The following PPIP5K1 variants were observed in gnomAD, a reference collection of about 807,000 sequenced individuals.
PPIP5K1 encodes diphosphoinositol pentakisphosphate kinase 1.
PPIP5K1 carries 6 observed loss-of-function variants against 27.7 expected under a neutral mutation model. The observed-to-expected ratio is 0.22, with a 90% CI of 0.12 to 0.43. The LOEUF is 0.43. Ranked by LOEUF, PPIP5K1 falls within the 20% of genes least tolerant of loss-of-function variation. The pLI is 1.00. For synonymous variants in PPIP5K1, 145 were observed against 242.6 expected (o/e 0.60, Z 3.74); for missense variants, 394 against 635.4 (o/e 0.62, Z 4.08).
chr15:43,537,956 C>T (rs961825564), intron 31 of PPIP5K1, among the ~76,000 whole-genome samples: 1 of 151,596 alleles, frequency 6.6e-6, no homozygotes, highest in Non-Finnish European at 1.5e-5. Context: ...TCAGGCAAAT[C>T]AAAAAGGTCA....
At chr15:43,554,236 C>A (rs893601254) in intron 30 of PPIP5K1, among the ~76,000 whole-genome samples, 1 of 152,126 alleles carries the variant, frequency 6.6e-6, no homozygotes, top group Non-Finnish European at 1.5e-5. Flanking sequence ...TATTTTGGGG[C>A]TCCGTTATTT....
At chr15:43,550,955 C>T (rs1365148691) in intron 30 of PPIP5K1, among the ~76,000 whole-genome samples, 1 of 152,174 alleles carries the variant, frequency 6.6e-6, no homozygotes, top group Non-Finnish European at 1.5e-5. Context: ...TAAATCTCAT[C>T]AGCCCTGGTG....
In PPIP5K1 at chr15:43,558,860, T is replaced by A; in HGVS notation, c.3491A>T (p.Gln1164Leu). The A allele has an allele frequency of 6.2e-7, 1 of 1,614,152 alleles. No homozygotes were observed. The highest frequency in any genetic ancestry group is 8.5e-7 in the Non-Finnish European group (1 of 1,180,014). ...GACTCTACTCAAGAATTCACTCACT[T>A]GACGTAGGGAAAGGGCATTATGCAG... is the stretch of plus-strand genomic sequence containing the variant. ...ETLHNALSLR[Q>L]VSEFLSRVCQ... The change falls in exon 30 of 32, where the codon CAA (glutamine) becomes CTA (leucine). Residue 1164 changes from glutamine (Q) to leucine (L), a missense_variant. Gln to Leu is a moderately radical substitution (Grantham distance 113, BLOSUM62 -2). Transcript: ENST00000420765.
At chr15:43,539,036 C>A (rs2080300229) in intron 31 of PPIP5K1, among the ~76,000 whole-genome samples, 1 of 151,980 alleles carries the variant, frequency 6.6e-6, no homozygotes, top group Non-Finnish European at 1.5e-5. Flanking sequence ...CATGGAGAAA[C>A]CCCGTCTCTA....
chr15:43,547,060 C>G (rs941495553), intron 30 of PPIP5K1, among the ~76,000 whole-genome samples: 2 of 105,584 alleles, frequency 1.9e-5, no homozygotes, highest in Non-Finnish European at 4.5e-5. Flanking sequence ...CACATCCTAA[C>G]TAACACTTTC....
chr15:43,537,857 T>C (rs1465231199), intron 31 of PPIP5K1, among the ~76,000 whole-genome samples: 1 of 149,974 alleles, frequency 6.7e-6, no homozygotes, highest in African/African-American at 2.5e-5. Context: ...AAAAATCTGA[T>C]ACTAGATGGA....
chr15:43,557,632 A>G (rs144872072), intron 30 of PPIP5K1, among the ~76,000 whole-genome samples: 92 of 151,908 alleles, frequency 6.1e-4, no homozygotes, highest in African/African-American at 2.1e-3. Context: ...TCTTCTTTTC[A>G]GGGTTTTTTC....
chr15:43,586,650 A>G (rs1225634620), intron 1 of PPIP5K1, among the ~76,000 whole-genome samples: 1 of 96,214 alleles, frequency 1.0e-5, no homozygotes, highest in African/African-American at 3.7e-5. Context: ...GTGAGCTGTG[A>G]TCGTGCCACT....
intron 30 of PPIP5K1, among the ~76,000 whole-genome samples, chr15:43,549,533 G>A (rs1162520946): frequency 6.6e-6 from 1 of 151,954 alleles, no homozygotes. Flanking sequence ...CATGCCTGTG[G>A]TCCTACCTAC....
chr15:43,535,007 T>C lies in PPIP5K1; in HGVS notation c.4140A>G (p.Glu1380=). Reference sequence around the variant, plus strand: ...AGTTCTCCAGACATAGCTGGCAAACTTCCTCAGAGACTTTCTGGCACAGTT... The same window carrying C: ...AGTTCTCCAGACATAGCTGGCAAACCTCCTCAGAGACTTTCTGGCACAGTT... The part of the protein sequence containing the change: ...SSQLCQKVSE[E]VCQLCLENSE... The change falls in exon 32 of 32, where the codon GAA becomes GAG. Residue 1380 remains glutamate, a synonymous_variant. Coordinates refer to ENST00000420765, the MANE Select transcript of PPIP5K1 (RefSeq NM_001394395.1). 1 of 1,612,944 alleles carries C rather than the reference T, an allele frequency of 6.2e-7. No homozygotes were observed. The highest frequency in any genetic ancestry group is 8.5e-7 in the Non-Finnish European group (1 of 1,179,666).
At chr15:43,548,891 G>A (rs1477961735) in intron 30 of PPIP5K1, among the ~76,000 whole-genome samples, 1 of 150,780 alleles carries the variant, frequency 6.6e-6, no homozygotes, top group Admixed American at 6.6e-5. Flanking sequence ...AGCTGGGCAT[G>A]ATGGCAAGCA....
In PPIP5K1 at chr15:43,535,291, C is replaced by T. The variant is rs771905144; in HGVS notation, c.3856G>A (p.Gly1286Arg). 1 of 1,614,178 alleles carries T rather than the reference C, an allele frequency of 6.2e-7. No homozygotes were observed. The highest frequency in any genetic ancestry group is 1.1e-5 in the South Asian group (1 of 91,084). The change falls in exon 32 of 32, where the codon GGG becomes AGG. Residue 1286 changes from glycine (G) to arginine (R), a missense_variant. Around this residue, in one of 4 missense-constraint regions of PPIP5K1, gnomAD observed 379 missense variants for 423.9 expected, o/e 0.89. Transcript: ENST00000420765. ...TTTGGTTCAAAAAGCTCTTGCTCCC[C>T]TTCTATGGAGAGCTCTTGTGCTCCA... is the stretch of plus-strand genomic sequence containing the variant. ...GSGAQELSIE[G>R]EQELFEPNQS...
chr15:43,534,841 C>A lies in PPIP5K1; in HGVS notation c.4306G>T (p.Val1436Phe). 6.2e-7 allele frequency: 1 copy of A among 1,612,726 alleles called. No individual in the cohort carries two copies. The highest frequency in any genetic ancestry group is 8.5e-7 in the Non-Finnish European group (1 of 1,179,166). The change falls in exon 32 of 32, where the codon GTC becomes TTC. Residue 1436 changes from valine to phenylalanine, a missense_variant. Around this residue, in one of 4 missense-constraint regions of PPIP5K1, gnomAD observed 379 missense variants for 423.9 expected, o/e 0.89. Transcript: ENST00000420765. Reference sequence around the variant, plus strand: ...GAGAACTCCTGGTATGGCTGGATGACCTCCTCAGGGATCTCTTCAGCTGGG... The same window carrying A: ...GAGAACTCCTGGTATGGCTGGATGAACTCCTCAGGGATCTCTTCAGCTGGG... The part of the protein sequence containing the change: ...GSPAEEIPEE[V>F]IQPYQEFSVE...
rs762219321 is a variant in PPIP5K1 at position 43,549,056 on chromosome 15, AATATATAT to A, written c.3557-9481_3557-9474del. On this transcript the variant is annotated intron_variant, in intron 30 of 31. Coordinates refer to ENST00000420765, the MANE Select transcript of PPIP5K1 (RefSeq NM_001394395.1). ...AAAAAAAAAAAAAAAAAAAAAAAAA[AATATATAT>A]ATATATATATATATATACATATATA... is the stretch of plus-strand genomic sequence containing the variant. 3.5e-3 allele frequency among the ~76,000 whole-genome samples: 192 copies of A among 54,288 alleles called. 1 individual carries two copies. Among genetic ancestry groups the A allele is most frequent in the African/African-American group, 9.2e-3 (68 of 7,412 alleles). 35.6% of individuals were successfully genotyped at this position (54,288 alleles called of 152,430 possible).
rs370336137 is a variant in PPIP5K1, at chr15:43,534,925, G to A, written c.4222C>T (p.His1408Tyr). The change falls in exon 32 of 32, where the codon CAT becomes TAT. Residue 1408 changes from histidine to tyrosine, a missense_variant. Coordinates refer to ENST00000420765, the MANE Select transcript of PPIP5K1 (RefSeq NM_001394395.1). ...CTACCAACCCCTACATGGAACTTAT[G>A]GACCAGCTTGCCAACCTCCACAGAG... ...GVSVEVGKLV[H>Y]KFHVGVGSLV... is the part of the protein sequence containing the mutation. 2 of 1,614,064 alleles carry A rather than the reference G, an allele frequency of 1.2e-6. No individual in the cohort carries two copies. The highest frequency in any genetic ancestry group is 1.7e-6 in the Non-Finnish European group (2 of 1,180,044).
intron 31 of PPIP5K1, among the ~76,000 whole-genome samples, chr15:43,537,706 A>AAGAG (rs1156583027): frequency 5.5e-5 from 7 of 126,768 alleles, no homozygotes; most frequent in East Asian, 4.4e-4. Flanking sequence ...AAAAAAAAAA[A>AAGAG]AGAGAGAGAG....
chr15:43,542,302 G>T (rs1489075380), intron 30 of PPIP5K1, among the ~76,000 whole-genome samples: 1 of 14,926 alleles, frequency 6.7e-5, no homozygotes, highest in East Asian at 1.5e-3. Context: ...TAATTTTGGC[G>T]GGGGGGGGGG....
Position 43,558,734 on chromosome 15 carries a change from T to C in PPIP5K1, c.3556+61A>G. 3.8e-6 allele frequency: 6 copies of C among 1,596,188 alleles called. No individual in the cohort carries two copies. In the East Asian group the frequency reaches 6.7e-5, roughly 18 times the overall value. On this transcript the variant is annotated intron_variant, in intron 30 of 31. Coordinates refer to ENST00000420765, the MANE Select transcript of PPIP5K1 (RefSeq NM_001394395.1). Reference sequence around the variant, plus strand: ...AGCTTTCTAATTTACTACTTTCTTATATTCTAGGAAGCATGGGCATGGGGG... The same window carrying C: ...AGCTTTCTAATTTACTACTTTCTTACATTCTAGGAAGCATGGGCATGGGGG...
chr15:43,549,080 T>TATATATATAC (rs1489462259), intron 30 of PPIP5K1, among the ~76,000 whole-genome samples: 4 of 113,164 alleles, frequency 3.5e-5, no homozygotes, highest in African/African-American at 1.3e-4. Flanking sequence ...TATATATATA[T>TATATATATAC]ACATATATAT....
Sources: allele counts gnomAD v4.1 joint callset (sites outside exome capture counted in the v4.1 genomes callset), GRCh38; gene constraint gnomAD v4.1.1; regional missense constraint gnomAD v4.1.1; transcripts MANE v1.5; gene names NCBI Gene and HGNC (gene_info 2026-07-23, HGNC 2026-07-21).